Variants in KY observed in about 807,000 individuals in gnomAD.
KY encodes kyphoscoliosis peptidase.
In KY, 43 loss-of-function variants were observed where a neutral mutation model predicts 76.1. The ratio of observed to expected loss-of-function variants is 0.57; its 90% confidence interval spans 0.44 to 0.73. KY has a LOEUF of 0.73. Ranked by LOEUF, KY falls within the 30% of genes least tolerant of loss-of-function variation. The pLI is 0.00. For synonymous variants in KY, 277 were observed against 326.2 expected (o/e 0.85, Z 1.63); for missense variants, 722 against 828.9 (o/e 0.87, Z 1.58).
At chr3:134,639,810 T>C (rs1019609259) in intron 3 of KY, 3 of 148,788 alleles carry the variant, frequency 2.0e-5, no homozygotes, top group African/African-American at 5.0e-5. Context: ...AAACCAGCCA[T>C]GTGGTGGCAC....
rs369868966 is a variant in KY, at chr3:134,602,509, C to T, written c.*1070G>A. 6.6e-5 allele frequency among the ~76,000 whole-genome samples: 10 copies of T among 152,334 alleles called. 1 individual carries two copies. Among genetic ancestry groups the T allele is most frequent in the African/African-American group, 2.4e-4 (10 of 41,578 alleles). On this transcript the variant is annotated 3_prime_UTR_variant, in exon 11 of 11. Transcript: ENST00000423778. ...CTCGTGCAGCTGGAATTCTTCCCAG[C>T]CCTGGCTTTGCTGGTAGAGACACTG...
At chr3:134,610,693 G>A (rs13075117) in intron 8 of KY, 87,736 of 255,418 alleles carry the variant, frequency 0.34, 15,719 homozygotes, top group Non-Finnish European at 0.37. Flanking sequence ...TGCTTGACAC[G>A]CTCCTCAAGC....
rs1045614469 is a variant in KY at position 134,647,426 on chromosome 3, A to G, written c.199+9T>C. On this transcript the variant is annotated intron_variant, in intron 2 of 10. Coordinates refer to ENST00000423778, the MANE Select transcript of KY (RefSeq NM_178554.6). ...AATCCTATAGGTTGAAAGGAAAAAG[A>G]GAATTTACCGTGAAAGTCATTTCCT... is the stretch of plus-strand genomic sequence containing the variant. 1.9e-6 allele frequency: 3 copies of G among 1,600,254 alleles called. No individual in the cohort carries two copies. In the African/African-American group the frequency reaches 4.0e-5, roughly 21 times the overall value.
At chr3:134,636,403 G>A (rs1018953803) in intron 3 of KY, among the ~76,000 whole-genome samples, 1 of 152,204 alleles carries the variant, frequency 6.6e-6, no homozygotes. Flanking sequence ...ATTAGCACAT[G>A]CCAGAAGTGA....
At chr3:134,633,249 C>G (rs1451061107) in intron 3 of KY, among the ~76,000 whole-genome samples, 1 of 152,046 alleles carries the variant, frequency 6.6e-6, no homozygotes, top group East Asian at 1.9e-4. Flanking sequence ...CTTCATAACT[C>G]ATTTTATGAG....
intron 6 of KY, among the ~76,000 whole-genome samples, chr3:134,621,348 T>A (rs974929029): frequency 6.6e-6 from 1 of 152,148 alleles, no homozygotes; most frequent in Non-Finnish European, 1.5e-5. Context: ...ATCAAAACAG[T>A]TTGATACTGC....
intron 3 of KY, among the ~76,000 whole-genome samples, chr3:134,636,413 A>G (rs962072488): frequency 3.3e-5 from 5 of 152,178 alleles, no homozygotes; most frequent in Admixed American, 3.3e-4. Context: ...GCCAGAAGTG[A>G]TGTTGCACAA....
intron 3 of KY, among the ~76,000 whole-genome samples, chr3:134,641,523 A>T (rs1478703852): frequency 3.3e-5 from 5 of 152,160 alleles, no homozygotes; most frequent in African/African-American, 1.2e-4. Flanking sequence ...CAGCAGGAAG[A>T]GGCAAGGAAT....
Position 134,600,323 on chromosome 3 carries a change from C to T in KY, c.*3256G>A, listed in dbSNP as rs564105972. Among the ~76,000 whole-genome samples, 6 of 152,332 alleles carry T rather than the reference C, an allele frequency of 3.9e-5. No individual in the cohort carries two copies. The East Asian group carries it at 1.2e-3, about 29-fold the overall frequency. On this transcript the variant is annotated 3_prime_UTR_variant, in exon 11 of 11. Transcript: ENST00000423778. ...CAAGTCCTTTGAGAAGAGGATTTCA[C>T]AAACTTTCTTGGCAACTTGTCCCTC...
chr3:134,634,748 G>T (rs145926818), intron 3 of KY, among the ~76,000 whole-genome samples: 3 of 152,242 alleles, frequency 2.0e-5, no homozygotes, highest in South Asian at 2.1e-4. Flanking sequence ...TGCAAAACTC[G>T]CATAGAGAGG....
chr3:134,639,267 C>A lies in KY; in HGVS notation c.262+4049G>T, dbSNP rs1404289. ...TGAGCCTGCTAGATGGTGACAGGGA[C>A]TGTCTAGCTCTGTAGAACATGATGG... On this transcript the variant is annotated intron_variant, in intron 3 of 10. Coordinates refer to ENST00000423778, the MANE Select transcript of KY (RefSeq NM_178554.6). Among the ~76,000 whole-genome samples the A allele has an allele frequency of 1.3e-3, 198 of 151,968 alleles. 1 individual carries two copies. Among genetic ancestry groups the A allele is most frequent in the African/African-American group, 4.4e-3 (182 of 41,420 alleles).
intron 4 of KY, 57 bp downstream of exon 4, chr3:134,629,564 A>G: frequency 1.4e-6 from 2 of 1,390,406 alleles, no homozygotes; most frequent in Non-Finnish European, 2.0e-6. Flanking sequence ...TGGCCCAACC[A>G]GCTGCCTTCA....
At chr3:134,638,339 G>GTA (rs1171152407) in intron 3 of KY, among the ~76,000 whole-genome samples, 3 of 152,220 alleles carry the variant, frequency 2.0e-5, no homozygotes, top group African/African-American at 4.8e-5. Context: ...CTAACAGAGA[G>GTA]TAGATCATTT....
intron 8 of KY, among the ~76,000 whole-genome samples, chr3:134,618,139 G>C (rs951192814): frequency 7.2e-5 from 11 of 152,140 alleles, no homozygotes; most frequent in Non-Finnish European, 7.3e-5. Context: ...AGGAGGCTTA[G>C]AGTAACTCAG....
chr3:134,616,378 C>T (rs906945418), intron 8 of KY, among the ~76,000 whole-genome samples: 1 of 152,178 alleles, frequency 6.6e-6, no homozygotes, highest in African/African-American at 2.4e-5. Flanking sequence ...ATGATGTCCA[C>T]CCTGACAACC....
intron 2 of KY, 108 bp from the exon 3 acceptor site, chr3:134,643,486 C>G: frequency 1.2e-6 from 1 of 839,656 alleles, no homozygotes; most frequent in African/African-American, 1.7e-5. Context: ...GGGGGCCAAG[C>G]ACATCCCCAG....
chr3:134,637,593 T>G (rs1965142265), intron 3 of KY, among the ~76,000 whole-genome samples: 1 of 152,234 alleles, frequency 6.6e-6, no homozygotes, highest in Admixed American at 6.5e-5. Context: ...AGTGAACAAC[T>G]TATTGGCATA....
intron 3 of KY, among the ~76,000 whole-genome samples, chr3:134,630,380 G>T (rs767032039): frequency 7.3e-5 from 11 of 150,298 alleles, no homozygotes; most frequent in Non-Finnish European, 1.3e-4. Flanking sequence ...ATAATCCCAA[G>T]AATATGAGGG....
At chr3:134,628,536 A>G (rs531524530) in intron 4 of KY, among the ~76,000 whole-genome samples, 6 of 152,314 alleles carry the variant, frequency 3.9e-5, no homozygotes, top group African/African-American at 9.6e-5. Flanking sequence ...GCAACCACAC[A>G]TGGGTTATTC....
Sources: allele counts gnomAD v4.1 joint callset (sites outside exome capture counted in the v4.1 genomes callset), GRCh38; gene constraint gnomAD v4.1.1; transcripts MANE v1.5; gene names NCBI Gene and HGNC (gene_info 2026-07-23, HGNC 2026-07-21).